ERCC1: variants seen among roughly 807,000 people sequenced by gnomAD.
ERCC1 encodes DNA excision repair protein ERCC-1.
A neutral mutation model predicts 37.6 loss-of-function variants in ERCC1; 36 were observed. The ratio of observed to expected loss-of-function variants is 0.96; its 90% CI spans 0.73 to 1.26. The LOEUF is 1.26. ERCC1 is among the 50% of genes most tolerant of loss of function. ERCC1 has a pLI of 0.00. For missense variants in ERCC1, 349 were observed against 376.5 expected, an observed-to-expected ratio of 0.93 and a Z score of 0.60; for synonymous variants, 156 against 162.1, an observed-to-expected ratio of 0.96 and a Z score of 0.28.
chr19:45,423,007 A>G (rs1302203847), intron 2 of ERCC1, among the ~76,000 whole-genome samples: 1 of 152,148 alleles, frequency 6.6e-6, no homozygotes, highest in African/African-American at 2.4e-5. Flanking sequence ...GTCTTGAAAA[A>G]TCAGGGTGCT....
intron 3 of ERCC1, 110 bp downstream of exon 3, chr19:45,421,068 T>C (rs917369443): frequency 9.2e-6 from 8 of 867,118 alleles, no homozygotes; most frequent in Non-Finnish European, 1.5e-5. Flanking sequence ...AATGAATGAA[T>C]GGGGAGAACA....
At chr19:45,429,929 C>T (rs915551583) in intron 1 of ERCC1, among the ~76,000 whole-genome samples, 3 of 152,138 alleles carry the variant, frequency 2.0e-5, no homozygotes, top group East Asian at 1.9e-4. Context: ...GGACTACAGG[C>T]GCATGCCACC....
At chr19:45,449,905 C>T (rs181464391) in intron 1 of ERCC1, among the ~76,000 whole-genome samples, 83 of 150,780 alleles carry the variant, frequency 5.5e-4, no homozygotes, top group Middle Eastern at 7.0e-3. Context: ...CAAAGGTTGC[C>T]GTGAGCCGAG....
At position 45,448,688 on chromosome 19, in the gene ERCC1, A is replaced by T. The variant is rs559512261; in HGVS notation, c.-7-25307T>A. ...CATAGTAAGACCCCATCTTTATTTA[A>T]AAAAAAGTTTTTATTAATTTAAAAA... On this transcript the variant is annotated intron_variant, in intron 1 of 8. Transcript: ENST00000423698. Among the ~76,000 whole-genome samples the T allele has an allele frequency of 2.6e-3, 398 of 151,934 alleles. 2 individuals are homozygous for T. The highest frequency in any genetic ancestry group is 9.1e-3 in the African/African-American group (377 of 41,300).
chr19:45,450,982 C>T (rs947754783), intron 1 of ERCC1, among the ~76,000 whole-genome samples: 24 of 134,582 alleles, frequency 1.8e-4, no homozygotes, highest in African/African-American at 6.5e-4. Flanking sequence ...TTGTCCCGGG[C>T]TGGGTGGCGC....
chr19:45,413,513 C>T (rs760738951), intron 9 of ERCC1, 164 bp downstream of exon 9: 5 of 1,502,398 alleles, frequency 3.3e-6, no homozygotes, highest in Admixed American at 1.7e-5. Context: ...TGGCCTCAAG[C>T]AGTCCTCCCG....
intron 1 of ERCC1, among the ~76,000 whole-genome samples, chr19:45,431,758 G>T (rs1332483868): frequency 1.3e-5 from 2 of 151,966 alleles, no homozygotes; most frequent in Non-Finnish European, 2.9e-5. Context: ...GTGCTTGGTG[G>T]CGCGTGCCTA....
chr19:45,419,451 G>C (rs927677159), intron 4 of ERCC1: 3 of 484,818 alleles, frequency 6.2e-6, no homozygotes, highest in African/African-American at 5.9e-5. Flanking sequence ...AAGAGGGGAA[G>C]AGACTTGGGC....
chr19:45,414,587 C>T (rs1015995555), intron 7 of ERCC1: 18 of 460,238 alleles, frequency 3.9e-5, no homozygotes, highest in Admixed American at 1.7e-4. Context: ...GTGGAGGCCA[C>T]GGGGCTTCTG....
rs576351493 is a variant in ERCC1 at position 45,438,611 on chromosome 19, C to T, written c.-7-15230G>A. On this transcript the variant is annotated intron_variant, in intron 1 of 8. Coordinates refer to the ERCC1 transcript ENST00000423698. ...GAGTAGCTGGGACTACAGGTGTGCA[C>T]TATCACGCCCGGCTAATTATTTTTA... is the stretch of plus-strand genomic sequence containing the variant. 2.2e-3 allele frequency among the ~76,000 whole-genome samples: 333 copies of T among 151,956 alleles called. 1 individual carries two copies. The highest frequency in any genetic ancestry group is 3.4e-3 in the Non-Finnish European group (231 of 67,984).
chr19:45,428,454 A>G (rs949901527), upstream of ERCC1, among the ~76,000 whole-genome samples: 1 of 152,062 alleles, frequency 6.6e-6, no homozygotes, highest in African/African-American at 2.4e-5. Context: ...CCCGGCTCCC[A>G]GAGTTGCGCG....
rs534236076 is a variant in ERCC1 at position 45,439,202 on chromosome 19, C to A, written c.-7-15821G>T. 3.3e-5 allele frequency among the ~76,000 whole-genome samples: 5 copies of A among 152,014 alleles called. No individual in the cohort carries two copies. In the South Asian group the frequency reaches 1.0e-3, roughly 32 times the overall value. ...CTCTGTCTCAAAAAACAAAAACAAACAAACAAAAAAACAAATAGCGCCTCG... is the reference window on the plus strand; with the variant it reads ...CTCTGTCTCAAAAAACAAAAACAAAAAAACAAAAAAACAAATAGCGCCTCG... On this transcript the variant is annotated intron_variant, in intron 1 of 8. Coordinates refer to the ERCC1 transcript ENST00000423698.
rs1555785064 is a variant in ERCC1, at chr19:45,409,473, G to GGAAGCA, written c.*196_*201dup. The stretch of plus-strand genomic sequence containing the variant: ...GCTCCCACAGGCCGGGACAAGAAGC[G>GGAAGCA]GAAGCAGCAGCAGCAGCAGCCTGTG... On this transcript the variant is annotated 3_prime_UTR_variant, in exon 10 of 10. Coordinates refer to ENST00000300853, the MANE Select transcript of ERCC1 (RefSeq NM_001983.4). The GGAAGCA allele has an allele frequency of 6.2e-7, 1 of 1,610,470 alleles. No homozygotes were observed.
At chr19:45,417,075 C>T (rs746899100) in intron 5 of ERCC1, among the ~76,000 whole-genome samples, 178 bp from the exon 6 acceptor site, 5 of 151,396 alleles carry the variant, frequency 3.3e-5, no homozygotes, top group South Asian at 2.1e-4. Flanking sequence ...CCAACCTGGG[C>T]GACAGGGTGA....
At chr19:45,413,345 C>A (rs1007260965) in intron 9 of ERCC1, 2 of 577,328 alleles carry the variant, frequency 3.5e-6, no homozygotes, top group Non-Finnish European at 3.1e-6. Flanking sequence ...TAGCTCACTG[C>A]AGCCTCAACC....
chr19:45,445,000 T>C (rs1021613284), intron 1 of ERCC1, among the ~76,000 whole-genome samples: 6 of 152,192 alleles, frequency 3.9e-5, no homozygotes, highest in Admixed American at 2.6e-4. Context: ...ATTCATTCAT[T>C]CAACCGATTT....
intron 9 of ERCC1, among the ~76,000 whole-genome samples, chr19:45,412,002 G>A (rs926103809): frequency 4.7e-5 from 7 of 150,132 alleles, no homozygotes; most frequent in Non-Finnish European, 1.0e-4. Context: ...GACTACAGGT[G>A]CCCACCACCA....
At chr19:45,429,672 G>A (rs1974786412) in intron 1 of ERCC1, among the ~76,000 whole-genome samples, 1 of 152,108 alleles carries the variant, frequency 6.6e-6, no homozygotes, top group Non-Finnish European at 1.5e-5. Flanking sequence ...CACTTGTCAC[G>A]ATTTCTTGCA....
chr19:45,412,448 TGCACCCA>T (rs1319574648), intron 9 of ERCC1, among the ~76,000 whole-genome samples: 1 of 151,892 alleles, frequency 6.6e-6, no homozygotes, highest in African/African-American at 2.4e-5. Flanking sequence ...CATGAGCCAC[TGCACCCA>T]GCCTCACTGT....
Sources: allele counts gnomAD v4.1 joint callset (sites outside exome capture counted in the v4.1 genomes callset), GRCh38; gene constraint gnomAD v4.1.1; transcripts MANE v1.5; gene names NCBI Gene and HGNC (gene_info 2026-07-23, HGNC 2026-07-21).